Variants in VPS13C observed in about 807,000 individuals in gnomAD.
VPS13C encodes the protein intermembrane lipid transfer protein VPS13C.
A neutral mutation model predicts 456.8 loss-of-function variants in VPS13C; 358 were observed. The ratio of observed to expected loss-of-function variants is 0.78; its 90% confidence interval spans 0.72 to 0.86. The LOEUF (loss-of-function observed/expected upper bound fraction) is 0.86. Among genes scored for constraint, VPS13C ranks in the 40% least tolerant of loss-of-function variants. VPS13C has a pLI of 0.00. For synonymous variants in VPS13C, 1,578 were observed against 1,486.7 expected (o/e 1.06, Z -1.41); for missense variants, 4,818 against 4,385.4 (o/e 1.10, Z -2.79).
intron 66 of VPS13C, among the ~76,000 whole-genome samples, chr15:61,896,674 G>A (rs1376729356): frequency 2.6e-5 from 4 of 152,262 alleles, no homozygotes; most frequent in Non-Finnish European, 5.9e-5. Flanking sequence ...GAGGCTGGGG[G>A]AGGGGTGCCC....
intron 53 of VPS13C, among the ~76,000 whole-genome samples, chr15:61,924,587 A>G (rs967947148): frequency 6.6e-6 from 1 of 152,246 alleles, no homozygotes; most frequent in African/African-American, 2.4e-5. Flanking sequence ...GCTTTAAAAT[A>G]TGCAAATTCG....
At chr15:62,025,749 A>G (rs1031009468) in intron 6 of VPS13C, among the ~76,000 whole-genome samples, 2 of 152,096 alleles carry the variant, frequency 1.3e-5, no homozygotes, top group African/African-American at 4.8e-5. Context: ...ATGATTCTCA[A>G]TCACAAACTA....
intron 16 of VPS13C, among the ~76,000 whole-genome samples, chr15:61,992,550 G>A (rs1212811186): frequency 1.3e-5 from 2 of 152,102 alleles, no homozygotes; most frequent in African/African-American, 4.8e-5. Context: ...TAATACAAAA[G>A]AGAAGATAAA....
rs1238363947 is a variant in VPS13C at position 61,902,277 on chromosome 15, AC to A, written c.9105+4986del. Among the ~76,000 whole-genome samples the A allele has an allele frequency of 4.0e-5, 6 of 151,256 alleles. No individual in the cohort carries two copies. In the East Asian group the frequency reaches 7.8e-4, roughly 20 times the overall value. On this transcript the variant is annotated intron_variant, in intron 66 of 84. Transcript: ENST00000644861. ...AAAGTATAATAATAAAAGAAAAAAA[AC>A]GTAAAAAAAAAAATTAAAAGTGTTT...
chr15:61,943,041 C>T (rs2044480351), intron 45 of VPS13C, among the ~76,000 whole-genome samples: 1 of 151,898 alleles, frequency 6.6e-6, no homozygotes, highest in Non-Finnish European at 1.5e-5. Flanking sequence ...AAACAAAGTA[C>T]CTAGAAATAC....
chr15:61,998,969 G>T (rs1369016612), intron 16 of VPS13C, among the ~76,000 whole-genome samples: 1 of 151,958 alleles, frequency 6.6e-6, no homozygotes, highest in Admixed American at 6.6e-5. Flanking sequence ...TTACTTTATT[G>T]TAAGAATACA....
chr15:62,048,373 G>T (rs1389572172), intron 1 of VPS13C, among the ~76,000 whole-genome samples: 1 of 149,610 alleles, frequency 6.7e-6, no homozygotes, highest in African/African-American at 2.5e-5. Flanking sequence ...TTGTCCTTGC[G>T]ATAGTTTACT....
At chr15:61,868,057 AT>A in intron 81 of VPS13C, 1 of 758,708 alleles carries the variant, frequency 1.3e-6, no homozygotes, top group Non-Finnish European at 2.2e-6. Context: ...GAGGCATTTT[AT>A]TTTAAAGTCA....
chr15:61,946,206 G>A lies in VPS13C; in HGVS notation c.4980+101C>T, dbSNP rs141640771. 461 of 939,536 alleles carry A rather than the reference G, an allele frequency of 4.9e-4. No individual in the cohort carries two copies. In the African/African-American group the frequency reaches 6.7e-3, roughly 14 times the overall value. 58.2% of individuals were successfully genotyped at this position (939,536 alleles called of 1,614,324 possible). ...TCTCCAATTCCTAATAAAGTGCCTGGTACATGACAGATAATAAATGTATAC... is the reference window on the plus strand; with the variant it reads ...TCTCCAATTCCTAATAAAGTGCCTGATACATGACAGATAATAAATGTATAC... On this transcript the variant is annotated intron_variant, in intron 44 of 84. Coordinates refer to ENST00000644861, the MANE Select transcript of VPS13C (RefSeq NM_020821.3).
At chr15:62,037,277 TATTATATATATTATATTATATA>T (rs2048056643) in intron 3 of VPS13C, among the ~76,000 whole-genome samples, 2 of 73,184 alleles carry the variant, frequency 2.7e-5, no homozygotes. Context: ...TTATATAATA[TATTATATATATTATATTATATA>T]ATATATATAT....
chr15:61,957,370 T>C (rs28472272), intron 37 of VPS13C, among the ~76,000 whole-genome samples: 70,365 of 151,872 alleles, frequency 0.46, 16,574 homozygotes, highest in Middle Eastern at 0.65. Flanking sequence ...TGAAAATGTA[T>C]TATATCTTGA....
At chr15:62,008,958 A>C (rs576994393) in intron 13 of VPS13C, among the ~76,000 whole-genome samples, 197 bp from the exon 14 acceptor site, 14 of 152,286 alleles carry the variant, frequency 9.2e-5, no homozygotes, top group African/African-American at 3.4e-4. Flanking sequence ...AATTTAAGAC[A>C]CTATCAATTT....
intron 15 of VPS13C, among the ~76,000 whole-genome samples, chr15:62,004,873 G>A (rs1596463974): frequency 6.6e-6 from 1 of 152,214 alleles, no homozygotes; most frequent in Non-Finnish European, 1.5e-5. Flanking sequence ...TGATTGCCCT[G>A]TGATCTGAGA....
At chr15:61,977,536 G>A (rs1039358768) in intron 23 of VPS13C, among the ~76,000 whole-genome samples, 1 of 151,862 alleles carries the variant, frequency 6.6e-6, no homozygotes, top group Non-Finnish European at 1.5e-5. Flanking sequence ...GACTAAGGTT[G>A]ATAATTACAG....
chr15:61,890,472 C>A, intron 66 of VPS13C, 72 bp from the exon 67 acceptor site: 1 of 1,343,464 alleles, frequency 7.4e-7, no homozygotes, highest in East Asian at 2.5e-5. Context: ...ACTATAATAA[C>A]AGAAAGATTA....
chr15:61,893,782 T>TTGGTTTCCTTGCTTTCCTTTC (rs1256575079), intron 66 of VPS13C, among the ~76,000 whole-genome samples: 3 of 152,072 alleles, frequency 2.0e-5, no homozygotes, highest in African/African-American at 7.2e-5. Context: ...TTTTTCCTTT[T>TTGGTTTCCTTGCTTTCCTTTC]TGGTTTCCTT....
At chr15:62,002,978 G>A (rs1316765994) in intron 15 of VPS13C, among the ~76,000 whole-genome samples, 1 of 152,076 alleles carries the variant, frequency 6.6e-6, no homozygotes, top group African/African-American at 2.4e-5. Flanking sequence ...TGTTCTTTTG[G>A]CTCAGGATTG....
rs138306874 is a variant in VPS13C, at chr15:61,903,105, C to T, written c.9105+4159G>A. ...CTTTCAGAGGCCAAGGCAGGTGAATCGCTTGACCTCAGGAATTTGAGACCA... is the reference window on the plus strand; with the variant it reads ...CTTTCAGAGGCCAAGGCAGGTGAATTGCTTGACCTCAGGAATTTGAGACCA... On this transcript the variant is annotated intron_variant, in intron 66 of 84. Coordinates refer to ENST00000644861, the MANE Select transcript of VPS13C (RefSeq NM_020821.3). Among the ~76,000 whole-genome samples the T allele has an allele frequency of 3.3e-5, 5 of 152,080 alleles. No homozygotes were observed. The East Asian group carries it at 5.8e-4, about 18-fold the overall frequency.
At chr15:61,953,703 G>A (rs940666491) in intron 38 of VPS13C, among the ~76,000 whole-genome samples, 1 of 151,976 alleles carries the variant, frequency 6.6e-6, no homozygotes, top group African/African-American at 2.4e-5. Flanking sequence ...AAACATACAT[G>A]TGCATGTGTC....
Sources: gnomAD v4.1 joint callset for allele counts (sites outside exome capture counted in the v4.1 genomes callset) on GRCh38, gnomAD v4.1.1 for gene constraint, MANE v1.5 for transcripts, NCBI Gene and HGNC (gene_info 2026-07-23, HGNC 2026-07-21) for gene names.